Variants in KIAA1217 observed in about 807,000 individuals in gnomAD.
KIAA1217 encodes sickle tail protein homolog.
In KIAA1217, 88 loss-of-function variants were observed where a neutral mutation model predicts 163.9. The ratio of observed to expected loss-of-function variants is 0.54; its 90% CI spans 0.45 to 0.64. The LOEUF is 0.64. Ranked by LOEUF, KIAA1217 falls within the 30% of genes least tolerant of loss-of-function variation. The probability of loss-of-function intolerance (pLI) is 0.00; values close to 1 mark genes in which losing one functional copy is unlikely to be tolerated. For synonymous variants in KIAA1217, 903 were observed against 923.1 expected (o/e 0.98, Z 0.39); for missense variants, 2,372 against 2,475.0 (o/e 0.96, Z 0.88).
intron 1 of KIAA1217, among the ~76,000 whole-genome samples, chr10:23,982,591 T>C (rs1447505009): frequency 1.9e-4 from 25 of 130,144 alleles, no homozygotes; most frequent in Non-Finnish European, 1.6e-5. Context: ...CGGCTGGAGT[T>C]TGGCTTTTGT....
chr10:24,093,971 G>A (rs2062043704), intron 2 of KIAA1217, among the ~76,000 whole-genome samples: 2 of 151,780 alleles, frequency 1.3e-5, no homozygotes, highest in African/African-American at 4.8e-5. Flanking sequence ...CCCTACAAAG[G>A]ACATGAACTC....
intron 2 of KIAA1217, among the ~76,000 whole-genome samples, chr10:24,110,348 A>T (rs1042340326): frequency 1.3e-5 from 2 of 152,162 alleles, no homozygotes; most frequent in Non-Finnish European, 2.9e-5. Context: ...GGAGCCAAAA[A>T]TAGTAAAAAA....
At chr10:24,028,287 G>A (rs1848047648) in intron 2 of KIAA1217, among the ~76,000 whole-genome samples, 1 of 151,884 alleles carries the variant, frequency 6.6e-6, no homozygotes, top group Non-Finnish European at 1.5e-5. Context: ...AAAACAAAAT[G>A]TTCATCAGCT....
intron 2 of KIAA1217, among the ~76,000 whole-genome samples, chr10:24,240,308 G>A (rs983418860): frequency 3.3e-5 from 5 of 152,288 alleles, no homozygotes; most frequent in African/African-American, 1.2e-4. Flanking sequence ...TGAGGTTAAA[G>A]CGGAGTTCAG....
At chr10:24,505,935 T>A (rs543514036) in intron 9 of KIAA1217, among the ~76,000 whole-genome samples, 1 of 152,194 alleles carries the variant, frequency 6.6e-6, no homozygotes, top group Non-Finnish European at 1.5e-5. Context: ...TGCATAACAA[T>A]GGTCACGGGA....
chr10:23,697,024 T>TA (rs1174870464), intron 1 of KIAA1217, among the ~76,000 whole-genome samples: 5 of 152,338 alleles, frequency 3.3e-5, no homozygotes, highest in Middle Eastern at 3.4e-3. Flanking sequence ...TTCGAAAGTG[T>TA]ATATCCTTAA....
intron 2 of KIAA1217, among the ~76,000 whole-genome samples, chr10:24,089,961 C>T (rs1050829155): frequency 2.6e-5 from 4 of 151,454 alleles, no homozygotes; most frequent in Non-Finnish European, 5.9e-5. Context: ...TCATATGGAA[C>T]CAAAAAAGGT....
intron 3 of KIAA1217, among the ~76,000 whole-genome samples, chr10:24,428,429 G>A (rs1212930711): frequency 1.3e-5 from 2 of 152,200 alleles, no homozygotes; most frequent in Non-Finnish European, 2.9e-5. Flanking sequence ...ACACAGGGAT[G>A]AGTGGAGAGG....
chr10:24,193,179 C>G (rs1162744191), intron 2 of KIAA1217, among the ~76,000 whole-genome samples: 1 of 152,146 alleles, frequency 6.6e-6, no homozygotes, highest in East Asian at 1.9e-4. Context: ...TCGGCCTCCC[C>G]CTCCTGAAGT....
chr10:23,925,735 G>T (rs1447225042), intron 1 of KIAA1217, among the ~76,000 whole-genome samples: 16 of 152,178 alleles, frequency 1.1e-4, no homozygotes, highest in African/African-American at 3.6e-4. Flanking sequence ...ACTGTAGACA[G>T]ACTGGATTCA....
At chr10:24,449,782 A>G in intron 5 of KIAA1217, 1 of 963,508 alleles carries the variant, frequency 1.0e-6, no homozygotes. Context: ...CTGTGCCTTT[A>G]TGATAGGATA....
At position 24,438,491 on chromosome 10, in the gene KIAA1217, T is replaced by G. The variant is rs780475267; in HGVS notation, c.846+12T>G. The G allele has an allele frequency of 3.2e-6, 5 of 1,575,642 alleles. No individual in the cohort carries two copies. Among genetic ancestry groups the G allele is most frequent in the Non-Finnish European group, 4.4e-6 (5 of 1,144,904 alleles). On this transcript the variant is annotated intron_variant, in intron 5 of 20. Transcript: ENST00000376454. ...ATGGAGACATGAGGGTAAGTGTTTC[T>G]GTCATATTTTTACTTATCTTCAGTG...
chr10:24,366,660 G>A (rs2050825647), intron 2 of KIAA1217, among the ~76,000 whole-genome samples: 1 of 152,196 alleles, frequency 6.6e-6, no homozygotes, highest in South Asian at 2.1e-4. Flanking sequence ...CATGGGCAGA[G>A]AGCACTGCAC....
intron 2 of KIAA1217, among the ~76,000 whole-genome samples, chr10:24,378,890 C>A (rs1591449651): frequency 6.6e-6 from 1 of 152,152 alleles, no homozygotes; most frequent in East Asian, 1.9e-4. Flanking sequence ...TATAGCCCTG[C>A]ATCTCTGATT....
chr10:23,846,596 GTT>G (rs1839043529), intron 1 of KIAA1217, among the ~76,000 whole-genome samples: 2 of 152,046 alleles, frequency 1.3e-5, no homozygotes, highest in Admixed American at 1.3e-4. Flanking sequence ...TATCCTAAGA[GTT>G]TGCTGAAGTT....
rs12265368 is a variant in KIAA1217, at chr10:24,154,597, G to A, written c.-170-65029G>A. On this transcript the variant is annotated intron_variant, in intron 2 of 18. Coordinates refer to the KIAA1217 transcript ENST00000376462. ...AGATAGAAAGTAGAGAGGAGAGGCCGAGCACAGTGACTCACACCTATAATC... is the reference window on the plus strand; with the variant it reads ...AGATAGAAAGTAGAGAGGAGAGGCCAAGCACAGTGACTCACACCTATAATC... Among the ~76,000 whole-genome samples the A allele has an allele frequency of 3.1e-3, 479 of 152,124 alleles. 1 individual carries two copies. The highest frequency in any genetic ancestry group is 0.011 in the African/African-American group (448 of 41,500).
chr10:24,520,124 G>C lies in KIAA1217; in HGVS notation c.2179G>C (p.Glu727Gln). 1 of 1,613,746 alleles carries C rather than the reference G, an allele frequency of 6.2e-7. No homozygotes were observed. Among genetic ancestry groups the C allele is most frequent in the Non-Finnish European group, 8.5e-7 (1 of 1,179,752 alleles). ...GTGCTGGTGTCCTTGCTCCCGCAGC[G>C]AGTTGGAAGACTTTGTTGAAGACTT... ...EEEKIVKKLC[E>Q]LEDFVEDLKK... The change falls in exon 11 of 21, where the codon GAG (glutamate) becomes CAG (glutamine). Residue 727 changes from glutamate (E) to glutamine (Q), a missense_variant and splice_region_variant. This residue lies in a region of KIAA1217 where 1,431 missense variants were observed against 1,470.3 expected (regional missense o/e 0.97). Coordinates refer to ENST00000376454, the MANE Select transcript of KIAA1217 (RefSeq NM_019590.5).
At chr10:24,410,827 A>G (rs967842554) in intron 3 of KIAA1217, among the ~76,000 whole-genome samples, 1 of 152,220 alleles carries the variant, frequency 6.6e-6, no homozygotes, top group Non-Finnish European at 1.5e-5. Flanking sequence ...TAAAAGCTAC[A>G]TTTCTGTTCT....
Position 23,746,516 on chromosome 10 carries a change from C to T in KIAA1217, c.-321+51282C>T, listed in dbSNP as rs112590119. 1.9e-3 allele frequency among the ~76,000 whole-genome samples: 284 copies of T among 152,176 alleles called. 1 individual carries two copies. Among genetic ancestry groups the T allele is most frequent in the Non-Finnish European group, 2.7e-3 (184 of 68,012 alleles). ...TTGGCTCACTGCTAGCTCCGCCTCC[C>T]GGGTTCAGGCCATTCTCCTGCCTCA... On this transcript the variant is annotated intron_variant, in intron 1 of 18. Coordinates refer to the KIAA1217 transcript ENST00000376462.
Sources: allele counts gnomAD v4.1 joint callset (sites outside exome capture counted in the v4.1 genomes callset), GRCh38; gene constraint gnomAD v4.1.1; regional missense constraint gnomAD v4.1.1; transcripts MANE v1.5; gene names NCBI Gene and HGNC (gene_info 2026-07-23, HGNC 2026-07-21).